Variants in DENR observed in about 807,000 individuals in gnomAD.
The protein encoded by DENR is density-regulated protein.
In DENR, 6 loss-of-function variants were observed where a neutral mutation model predicts 30.6. The observed-to-expected ratio is 0.20, with a 90% confidence interval of 0.11 to 0.39. The LOEUF (loss-of-function observed/expected upper bound fraction) is 0.39, where lower values mean the gene tolerates loss of function less well. Ranked by LOEUF, DENR falls within the 10% of genes least tolerant of loss-of-function variation. The probability of loss-of-function intolerance (pLI) is 1.00; values close to 1 mark genes in which losing one functional copy is unlikely to be tolerated. For synonymous variants in DENR, 78 were observed against 72.1 expected (o/e 1.08, Z -0.41); for missense variants, 141 against 230.9 (o/e 0.61, Z 2.52).
At chr12:122,756,969 A>G (rs1197717288) in intron 2 of DENR, among the ~76,000 whole-genome samples, 2 of 152,216 alleles carry the variant, frequency 1.3e-5, no homozygotes, top group Admixed American at 1.3e-4. Flanking sequence ...AAATTATGGT[A>G]GGATGAACAG....
chr12:122,765,394 C>T lies in DENR; in HGVS notation c.295+7C>T. 1 of 1,545,912 alleles carries T rather than the reference C, an allele frequency of 6.5e-7. No individual in the cohort carries two copies. The highest frequency in any genetic ancestry group is 8.8e-7 in the Non-Finnish European group (1 of 1,141,966). On this transcript the variant is annotated splice_region_variant and intron_variant, in intron 5 of 7. Transcript: ENST00000280557. ...AAGAAAAAACAGAAGAGAGGTAAGACCTAAATTCACATCTTGATTTGTACA... is the reference window on the plus strand; with the variant it reads ...AAGAAAAAACAGAAGAGAGGTAAGATCTAAATTCACATCTTGATTTGTACA...
rs1382787363 is a variant in DENR at position 122,770,758 on chromosome 12, T to C, written c.*1680T>C. 1 of 398,354 alleles carries C rather than the reference T, an allele frequency of 2.5e-6. No individual in the cohort carries two copies. Among genetic ancestry groups the C allele is most frequent in the Non-Finnish European group, 4.4e-6 (1 of 226,032 alleles). The allele number at this position is 398,354 out of a possible 1,614,324, so 24.7% of individuals were successfully genotyped here. On this transcript the variant is annotated 3_prime_UTR_variant, in exon 8 of 8. Coordinates refer to ENST00000280557, the MANE Select transcript of DENR (RefSeq NM_003677.5). ...ATTACAATCTTGAATGAGTGTTTTT[T>C]AAAAATAAAGTATTAGAAAAATGTG...
At chr12:122,763,773 T>A (rs1878771377) in intron 4 of DENR, among the ~76,000 whole-genome samples, 1 of 152,244 alleles carries the variant, frequency 6.6e-6, no homozygotes, top group Non-Finnish European at 1.5e-5. Context: ...AAGTGTACTA[T>A]ATGCTACACA....
At chr12:122,762,753 G>T in intron 3 of DENR, 92 bp from the exon 4 acceptor site, 292 of 788,696 alleles carry the variant, frequency 3.7e-4, no homozygotes, top group East Asian at 5.9e-4. Context: ...TTTATTCTTT[G>T]TATTAACAAG....
chr12:122,770,917 A>G lies in DENR; in HGVS notation c.*1839A>G, dbSNP rs1346341592. On this transcript the variant is annotated 3_prime_UTR_variant, in exon 8 of 8. Coordinates refer to ENST00000280557, the MANE Select transcript of DENR (RefSeq NM_003677.5). ...ATGTATGTAGTCTGTTGCTGCTGAA[A>G]GATGTCTGTGTGCCTGTATCAACAT... 5.1e-6 allele frequency: 2 copies of G among 393,668 alleles called. No homozygotes were observed. Among genetic ancestry groups the G allele is most frequent in the Non-Finnish European group, 8.9e-6 (2 of 223,650 alleles). The allele number at this position is 393,668 out of a possible 1,614,324, so 24.4% of individuals were successfully genotyped here.
chr12:122,768,009 T>G (rs1878891299), intron 6 of DENR: 1 of 154,514 alleles, frequency 6.5e-6, no homozygotes, highest in African/African-American at 2.4e-5. Flanking sequence ...GCCCCTTAGT[T>G]CCTGGAAGCC....
chr12:122,763,222 A>C (rs568560230), intron 4 of DENR: 2 of 198,274 alleles, frequency 1.0e-5, no homozygotes, highest in South Asian at 1.9e-4. Context: ...TAACACAGTG[A>C]AACCCCATCT....
chr12:122,768,829 T>C lies in DENR; in HGVS notation c.460T>C (p.Cys154Arg). 6.2e-7 allele frequency: 1 copy of C among 1,606,284 alleles called. No individual in the cohort carries two copies. Among genetic ancestry groups the C allele is most frequent in the Admixed American group, 1.7e-5 (1 of 58,580 alleles). ...AAGATTTTTTGCTCAAAAATTCTCC[T>C]GTGGTGCCTCAGTAACAGGGGAGGA... ...AQRFFAQKFS[C>R]GASVTGEDEI... The change falls in exon 7 of 8, where the codon TGT (cysteine) becomes CGT (arginine). Residue 154 changes from cysteine to arginine, a missense_variant. Cys to Arg is a radical substitution (Grantham distance 180, BLOSUM62 -3). Coordinates refer to ENST00000280557, the MANE Select transcript of DENR (RefSeq NM_003677.5).
intron 2 of DENR, among the ~76,000 whole-genome samples, chr12:122,756,230 G>A (rs564907962): frequency 2.6e-4 from 40 of 152,172 alleles, no homozygotes; most frequent in Middle Eastern, 3.4e-3. Flanking sequence ...GGGTGGATCA[G>A]CTGAGGTCAG....
At chr12:122,757,154 TATC>T (rs1281438942) in intron 2 of DENR, among the ~76,000 whole-genome samples, 1 of 152,184 alleles carries the variant, frequency 6.6e-6, no homozygotes, top group Middle Eastern at 3.2e-3. Flanking sequence ...GCATTTTTCT[TATC>T]ATTCCTTCCC....
intron 4 of DENR, chr12:122,763,217 C>A: frequency 1.5e-5 from 3 of 201,674 alleles, no homozygotes; most frequent in Non-Finnish European, 2.9e-5. Context: ...TTGGCTAACA[C>A]AGTGAAACCC....
intron 4 of DENR, among the ~76,000 whole-genome samples, chr12:122,764,856 T>A (rs1022139033): frequency 3.3e-5 from 5 of 152,214 alleles, no homozygotes; most frequent in Non-Finnish European, 7.3e-5. Context: ...TGGTAGCTAC[T>A]CCATCACTGT....
chr12:122,762,569 A>G (rs1878731134), intron 3 of DENR, among the ~76,000 whole-genome samples: 1 of 152,252 alleles, frequency 6.6e-6, no homozygotes, highest in African/African-American at 2.4e-5. Flanking sequence ...CAGCTCTATG[A>G]GCAAGTCATG....
Position 122,769,504 on chromosome 12 carries a change from C to T in DENR, c.*426C>T. On this transcript the variant is annotated 3_prime_UTR_variant, in exon 8 of 8. Coordinates refer to ENST00000280557, the MANE Select transcript of DENR (RefSeq NM_003677.5). The stretch of plus-strand genomic sequence containing the variant: ...CATTTGGTACTGACTTTCTCTCTCT[C>T]TCTCTCTCTCTTTTTTTTTTTTGAC... 2.0e-6 allele frequency: 2 copies of T among 979,386 alleles called. No homozygotes were observed. The highest frequency in any genetic ancestry group is 2.4e-6 in the Non-Finnish European group (2 of 826,188). 60.7% of individuals were successfully genotyped at this position (979,386 alleles called of 1,614,324 possible). A position where few individuals can be genotyped will look rare whatever the true frequency, so the allele number is the denominator to read the frequency against.
intron 6 of DENR, 70 bp downstream of exon 6, chr12:122,767,674 GTC>G (rs141788190): frequency 4.1e-3 from 3,364 of 827,448 alleles, no homozygotes; most frequent in South Asian, 5.3e-3. Context: ...CTATCTCTCT[GTC>G]TCTCTCTCTC....
intron 2 of DENR, among the ~76,000 whole-genome samples, chr12:122,760,528 G>A (rs1878669629): frequency 6.6e-6 from 1 of 151,012 alleles, no homozygotes; most frequent in Admixed American, 6.6e-5. Context: ...TCAGGAGATC[G>A]AGACCATCCT....
At position 122,764,112 on chromosome 12, in the gene DENR, C is replaced by G. The variant is rs577213964; in HGVS notation, c.211+1183C>G. Among the ~76,000 whole-genome samples, 17 of 152,226 alleles carry G rather than the reference C, an allele frequency of 1.1e-4. No homozygotes were observed. In the East Asian group the frequency reaches 2.7e-3, roughly 24 times the overall value. On this transcript the variant is annotated intron_variant, in intron 4 of 7. Coordinates refer to ENST00000280557, the MANE Select transcript of DENR (RefSeq NM_003677.5). ...GTATATTCAGGAAACAGCAAGGAAG[C>G]CTTTGTGTCTGGAGCTTATTGAAGG...
intron 2 of DENR, among the ~76,000 whole-genome samples, chr12:122,756,819 T>C (rs1045479276): frequency 6.6e-6 from 1 of 152,128 alleles, no homozygotes; most frequent in African/African-American, 2.4e-5. Flanking sequence ...TTTGGAGCAG[T>C]GAAGTTACAT....
chr12:122,756,899 T>C (rs892761240), intron 2 of DENR, among the ~76,000 whole-genome samples: 5 of 152,214 alleles, frequency 3.3e-5, no homozygotes, highest in East Asian at 1.9e-4. Context: ...AATAAGACTT[T>C]AGACAAAATT....
Sources: gnomAD v4.1 joint callset for allele counts (sites outside exome capture counted in the v4.1 genomes callset) on GRCh38, gnomAD v4.1.1 for gene constraint, MANE v1.5 for transcripts, NCBI Gene and HGNC (gene_info 2026-07-23, HGNC 2026-07-21) for gene names.